Variants in VGLL3 observed in about 807,000 individuals in gnomAD.
VGLL3 encodes vestigial like family member 3.
VGLL3 carries 18 observed loss-of-function variants against 29.2 expected under a neutral mutation model. The ratio of observed to expected loss-of-function variants is 0.62; its 90% CI spans 0.43 to 0.91. VGLL3 has a LOEUF of 0.91. VGLL3 is among the 40% of genes least tolerant of loss of function. The pLI is 0.00. For missense variants in VGLL3, 440 were observed against 413.2 expected (o/e 1.06, Z -0.56); for synonymous variants, 180 against 151.8 (o/e 1.19, Z -1.36).
chr3:86,944,031 T>A lies in VGLL3; in HGVS notation c.*2993A>T, dbSNP rs1348198718. On this transcript the variant is annotated 3_prime_UTR_variant, in exon 4 of 4. Transcript: ENST00000398399. ...GCCTCTAAGTCCAACAGCATCATTT[T>A]GATGTGAAAAAAGAAGAGCCAGAGA... 2 of 152,140 alleles carry A rather than the reference T, an allele frequency of 1.3e-5. No homozygotes were observed. Among genetic ancestry groups the A allele is most frequent in the Non-Finnish European group, 2.9e-5 (2 of 68,028 alleles). 9.4% of individuals were successfully genotyped at this position (152,140 alleles called of 1,614,324 possible).
intron 3 of VGLL3, 65 bp from the exon 4 acceptor site, chr3:86,947,132 T>C (rs1240330482): frequency 3.9e-6 from 3 of 776,356 alleles, no homozygotes; most frequent in East Asian, 4.9e-5. Flanking sequence ...AAAATAAGCA[T>C]AATCTGCAAT....
chr3:86,952,312 T>A (rs2106968270), intron 3 of VGLL3, among the ~76,000 whole-genome samples: 1 of 152,336 alleles, frequency 6.6e-6, no homozygotes, highest in Non-Finnish European at 1.5e-5. Context: ...GTTACACTAA[T>A]ATACAGCTGA....
At chr3:86,948,763 C>A (rs1704555359) in intron 3 of VGLL3, among the ~76,000 whole-genome samples, 1 of 151,986 alleles carries the variant, frequency 6.6e-6, no homozygotes, top group African/African-American at 2.4e-5. Flanking sequence ...CAATAGTTTT[C>A]CTTTCCCATT....
chr3:86,958,390 G>A (rs564176973), intron 3 of VGLL3, among the ~76,000 whole-genome samples: 3 of 152,146 alleles, frequency 2.0e-5, no homozygotes, highest in African/African-American at 4.8e-5. Flanking sequence ...TTACCAAGAC[G>A]TCTTTTACAA....
chr3:86,961,867 T>C, intron 3 of VGLL3: 6 of 907,322 alleles, frequency 6.6e-6, no homozygotes, highest in Non-Finnish European at 7.9e-6. Context: ...AAAAAATGTG[T>C]TCATCAGAAA....
chr3:86,968,695 C>T lies in VGLL3; in HGVS notation c.832G>A (p.Asp278Asn), dbSNP rs1246523582. 6 of 1,614,178 alleles carry T rather than the reference C, an allele frequency of 3.7e-6. No individual in the cohort carries two copies. The highest frequency in any genetic ancestry group is 3.4e-6 in the Non-Finnish European group (4 of 1,180,040). ...HAARIPAPQC[D>N]ITKTEPTTVT... is the part of the protein sequence containing the mutation. The stretch of plus-strand genomic sequence containing the variant: ...GTAGTTGGTTCTGTCTTTGTGATGT[C>T]ACACTGGGGAGCAGGAATCCTGGCC... The change falls in exon 3 of 4, where the codon GAC (aspartate) becomes AAC (asparagine). Residue 278 changes from aspartate to asparagine, a missense_variant. Physicochemically the swap from Asp to Asn is conservative, Grantham distance 23. Transcript: ENST00000398399.
intron 3 of VGLL3, among the ~76,000 whole-genome samples, chr3:86,947,571 A>T (rs1407676784): frequency 6.6e-6 from 1 of 152,176 alleles, no homozygotes; most frequent in African/African-American, 2.4e-5. Flanking sequence ...GAGCAATTAG[A>T]TGGCTAAAAA....
intron 3 of VGLL3, among the ~76,000 whole-genome samples, chr3:86,949,359 A>G (rs1704567516): frequency 6.6e-6 from 1 of 152,140 alleles, no homozygotes; most frequent in Non-Finnish European, 1.5e-5. Flanking sequence ...GTGGCCTAAA[A>G]TGTATCAGAT....
At position 86,968,964 on chromosome 3, in the gene VGLL3, G is replaced by A. The variant is rs754809120; in HGVS notation, c.563C>T (p.Pro188Leu). 2.5e-5 allele frequency: 40 copies of A among 1,613,964 alleles called. No homozygotes were observed. The East Asian group carries it at 2.7e-4, about 11-fold the overall frequency. ...TFSAADPSPW[P>L]GHNLHQTGPA... Reference sequence around the variant, plus strand: ...GCCAGTCTGATGCAGGTTGTGTCCCGGCCAAGGACTGGGATCAGCTGCAGA... The same window carrying A: ...GCCAGTCTGATGCAGGTTGTGTCCCAGCCAAGGACTGGGATCAGCTGCAGA... Residue 188 changes from proline to leucine, a missense_variant, in exon 3 of 4, where the codon CCG becomes CTG. By Grantham distance (98) the Pro-to-Leu change is moderately conservative (BLOSUM62 -3). Transcript: ENST00000398399.
chr3:86,939,107 T>C lies in VGLL3; in HGVS notation c.*7917A>G, dbSNP rs1704339390. 6.6e-6 allele frequency: 1 copy of C among 152,196 alleles called. No individual in the cohort carries two copies. The allele number at this position is 152,196 out of a possible 1,614,324, so 9.4% of individuals were successfully genotyped here. A position where few individuals can be genotyped will look rare whatever the true frequency, so the allele number is the denominator to read the frequency against. ...TTTGAAATAGTGACAGGAATTTTCT[T>C]TACATGCAATTATTTAATGAATGAA... On this transcript the variant is annotated 3_prime_UTR_variant, in exon 4 of 4. Transcript: ENST00000398399.
Position 86,969,066 on chromosome 3 carries a change from G to A in VGLL3, c.461C>T (p.Ser154Phe), listed in dbSNP as rs1705029171. The change falls in exon 3 of 4, where the codon TCT becomes TTT. Residue 154 changes from serine (S) to phenylalanine (F), a missense_variant. By Grantham distance (155) the Ser-to-Phe change is radical. Coordinates refer to ENST00000398399, the MANE Select transcript of VGLL3 (RefSeq NM_016206.4). ...ACAAGGTGCAGGTGGGGGCTGGTAA[G>A]AGCTGGTCCAAAAGGAAGTTGGGAA... is the stretch of plus-strand genomic sequence containing the variant. ...NSFPTSFWTS[S>F]YQPPPAPCLG... The A allele has an allele frequency of 6.2e-7, 1 of 1,612,654 alleles. No homozygotes were observed. Among genetic ancestry groups the A allele is most frequent in the Admixed American group, 1.7e-5 (1 of 59,968 alleles).
chr3:86,978,773 C>T lies in VGLL3; in HGVS notation c.156G>A (p.Gln52=). The change falls in exon 2 of 4, where the codon CAG becomes CAA. Residue 52 remains glutamine, a synonymous_variant. Transcript: ENST00000398399. ...TGGGAAGGGTGACTTCCAGAGAGTC[C>T]TGCATCTTGCTGAATACCGCTAACT... ...QKKLAVFSKM[Q]DSLEVTLPSK... is the part of the protein sequence containing the mutation. 6.2e-7 allele frequency: 1 copy of T among 1,611,870 alleles called. No individual in the cohort carries two copies.
chr3:86,938,914 A>T lies in VGLL3; in HGVS notation c.*8110T>A, dbSNP rs1418442190. On this transcript the variant is annotated 3_prime_UTR_variant, in exon 4 of 4. Coordinates refer to ENST00000398399, the MANE Select transcript of VGLL3 (RefSeq NM_016206.4). Reference sequence around the variant, plus strand: ...GCAAGATGGGTCTAAGTTCCCAAAAAAGGAAGCAAAACAATTAAATCCTAC... The same window carrying T: ...GCAAGATGGGTCTAAGTTCCCAAAATAGGAAGCAAAACAATTAAATCCTAC... 3 of 152,216 alleles carry T rather than the reference A, an allele frequency of 2.0e-5. No individual in the cohort carries two copies. In the East Asian group the frequency reaches 5.8e-4, roughly 29 times the overall value. The allele number at this position is 152,216 out of a possible 1,614,324, so 9.4% of individuals were successfully genotyped here. A position where few individuals can be genotyped will look rare whatever the true frequency, so the allele number is the denominator to read the frequency against.
chr3:86,948,044 A>G (rs754965444), intron 3 of VGLL3, among the ~76,000 whole-genome samples: 2 of 152,062 alleles, frequency 1.3e-5, no homozygotes, highest in Non-Finnish European at 2.9e-5. Flanking sequence ...ATGAACTTAT[A>G]TATTGTGAAA....
chr3:86,970,896 TA>T (rs1161485772), intron 2 of VGLL3, among the ~76,000 whole-genome samples: 1 of 152,194 alleles, frequency 6.6e-6, no homozygotes, highest in Non-Finnish European at 1.5e-5. Flanking sequence ...TTTCTTTCAC[TA>T]AGAAAATGAA....
At chr3:86,977,050 G>A (rs1705223823) in intron 2 of VGLL3, among the ~76,000 whole-genome samples, 1 of 152,126 alleles carries the variant, frequency 6.6e-6, no homozygotes, top group Non-Finnish European at 1.5e-5. Flanking sequence ...AGTTCTCATA[G>A]TAAGCCCATA....
At position 86,938,189 on chromosome 3, in the gene VGLL3, G is replaced by A. The variant is rs541156973; in HGVS notation, c.*8835C>T. 1.1e-4 allele frequency: 17 copies of A among 152,180 alleles called. No homozygotes were observed. Among genetic ancestry groups the A allele is most frequent in the African/African-American group, 3.6e-4 (15 of 41,540 alleles). 9.4% of individuals were successfully genotyped at this position (152,180 alleles called of 1,614,324 possible). A position where few individuals can be genotyped will look rare whatever the true frequency, so the allele number is the denominator to read the frequency against. On this transcript the variant is annotated 3_prime_UTR_variant, in exon 4 of 4. Coordinates refer to ENST00000398399, the MANE Select transcript of VGLL3 (RefSeq NM_016206.4). Reference sequence around the variant, plus strand: ...AAAGTTATATATATTTAAGGTATACGATATGATGATTTGATATAGGTAAAC... The same window carrying A: ...AAAGTTATATATATTTAAGGTATACAATATGATGATTTGATATAGGTAAAC...
intron 2 of VGLL3, among the ~76,000 whole-genome samples, chr3:86,971,388 A>G (rs1705097635): frequency 6.6e-6 from 1 of 152,156 alleles, no homozygotes; most frequent in African/African-American, 2.4e-5. Flanking sequence ...CATCCCATTC[A>G]TCCTGTGGTC....
At chr3:86,972,057 G>A (rs564816266) in intron 2 of VGLL3, among the ~76,000 whole-genome samples, 39 of 152,282 alleles carry the variant, frequency 2.6e-4, no homozygotes, top group Admixed American at 7.8e-4. Context: ...CCATTTCTCT[G>A]TATGCTTTTA....
Sources: allele counts gnomAD v4.1 joint callset (sites outside exome capture counted in the v4.1 genomes callset), GRCh38; gene constraint gnomAD v4.1.1; transcripts MANE v1.5; gene names NCBI Gene and HGNC (gene_info 2026-07-23, HGNC 2026-07-21).